Variants in GSG1L observed in about 807,000 individuals in gnomAD.
The protein encoded by GSG1L is GSG1 like.
In GSG1L, 24 loss-of-function variants were observed where a neutral mutation model predicts 42.1. The ratio of observed to expected loss-of-function variants is 0.57; its 90% CI spans 0.41 to 0.80. GSG1L has a LOEUF of 0.80. Among genes scored for constraint, GSG1L ranks in the 30% least tolerant of loss-of-function variants. The pLI is 0.00. For synonymous variants in GSG1L, 215 were observed against 203.5 expected (o/e 1.06, Z -0.48); for missense variants, 445 against 472.2 (o/e 0.94, Z 0.53).
intron 1 of GSG1L, among the ~76,000 whole-genome samples, chr16:27,979,303 C>T (rs1358102013): frequency 5.3e-5 from 8 of 151,974 alleles, no homozygotes; most frequent in Admixed American, 2.6e-4. Context: ...TGATAGCTCA[C>T]GCCTGTAATC....
intron 2 of GSG1L, among the ~76,000 whole-genome samples, chr16:27,959,298 T>TCAAAAAAAAA (rs2085040764): frequency 7.9e-6 from 1 of 126,454 alleles, no homozygotes; most frequent in Non-Finnish European, 1.7e-5. Flanking sequence ...TCTCTACTAA[T>TCAAAAAAAAA]AATACAAAAA....
intron 2 of GSG1L, among the ~76,000 whole-genome samples, chr16:27,887,185 A>G (rs1322518589): frequency 6.6e-6 from 1 of 151,962 alleles, no homozygotes; most frequent in African/African-American, 2.4e-5. Flanking sequence ...CAAACTCCTA[A>G]GCTCAAGTGA....
Position 28,040,182 on chromosome 16 carries a change from C to A in GSG1L, c.349+22894G>T, listed in dbSNP as rs1052555053. ...ATGGACCGCTGCAGTCGCCTCCTAA[C>A]TGGACTCCAGCCATTCACGCCTCCC... On this transcript the variant is annotated intron_variant, in intron 1 of 6. Transcript: ENST00000447459. This position sits in a 1 kb window ranked among gnomAD's most constrained non-coding sequence, Gnocchi z 4.1. Among the ~76,000 whole-genome samples the A allele has an allele frequency of 6.6e-6, 1 of 152,196 alleles. No individual in the cohort carries two copies.
intron 1 of GSG1L, among the ~76,000 whole-genome samples, chr16:27,984,272 C>A (rs866655397): frequency 2.0e-5 from 3 of 152,116 alleles, no homozygotes; most frequent in South Asian, 4.1e-4. Flanking sequence ...TTTGCATAGG[C>A]CTGCTCACTG....
chr16:27,842,211 G>T (rs1644625), intron 4 of GSG1L, among the ~76,000 whole-genome samples: 41,688 of 139,556 alleles, frequency 0.3, 6,795 homozygotes, highest in East Asian at 0.42. Flanking sequence ...GCACGTTGTT[G>T]CGCGTGTTAA....
At chr16:27,816,693 G>A (rs572831069) in intron 5 of GSG1L, among the ~76,000 whole-genome samples, 2 of 152,286 alleles carry the variant, frequency 1.3e-5, no homozygotes, top group East Asian at 3.9e-4. Flanking sequence ...TGTGGAGCTG[G>A]GAGGAGATTT....
chr16:28,041,562 T>C (rs1455430391), intron 1 of GSG1L, among the ~76,000 whole-genome samples: 1 of 152,156 alleles, frequency 6.6e-6, no homozygotes, highest in Admixed American at 6.5e-5. Flanking sequence ...AATGAGTAAA[T>C]GAATGAATAA....
chr16:27,803,796 G>GATATAGATAT (rs879523842), intron 6 of GSG1L, among the ~76,000 whole-genome samples: 1 of 73,822 alleles, frequency 1.4e-5, no homozygotes, highest in African/African-American at 5.4e-5. Context: ...TATATATATA[G>GATATAGATAT]ATAGATAGAT....
intron 1 of GSG1L, among the ~76,000 whole-genome samples, chr16:28,012,122 C>T (rs879309738): frequency 2.6e-5 from 4 of 152,146 alleles, no homozygotes; most frequent in African/African-American, 9.7e-5. Context: ...ATTTCATACT[C>T]CCACGCAGTC....
chr16:27,863,561 A>G (rs2141002241), intron 3 of GSG1L, among the ~76,000 whole-genome samples: 1 of 152,312 alleles, frequency 6.6e-6, no homozygotes, highest in East Asian at 1.9e-4. Context: ...TAACCCAGTT[A>G]CATTTATTGT....
At chr16:28,034,242 CCCATCCCATCCCATCCCAT>C in intron 1 of GSG1L, among the ~76,000 whole-genome samples, 2 of 127,490 alleles carry the variant, frequency 1.6e-5, no homozygotes, top group Non-Finnish European at 3.3e-5. Flanking sequence ...CCCATCCCAT[CCCATCCCATCCCATCCCAT>C]CCCATCCCAT....
chr16:27,838,032 G>C (rs1341191360), intron 4 of GSG1L, among the ~76,000 whole-genome samples: 2 of 152,122 alleles, frequency 1.3e-5, no homozygotes, highest in African/African-American at 4.8e-5. Context: ...TAGGTCCAAG[G>C]ATTGTGGTTG....
chr16:27,819,889 G>A (rs1413903983), intron 5 of GSG1L, among the ~76,000 whole-genome samples: 6 of 152,182 alleles, frequency 3.9e-5, no homozygotes, highest in African/African-American at 1.4e-4. Context: ...CAAAGATCAT[G>A]AAGAAAGTTG....
chr16:27,837,206 C>T (rs543323216), intron 4 of GSG1L, among the ~76,000 whole-genome samples: 7 of 152,184 alleles, frequency 4.6e-5, no homozygotes, highest in South Asian at 4.1e-4. Context: ...GGAGGAGTGC[C>T]GAGTAAAGGT....
At chr16:28,023,626 T>G (rs2085869286) in intron 1 of GSG1L, among the ~76,000 whole-genome samples, 1 of 152,240 alleles carries the variant, frequency 6.6e-6, no homozygotes, top group African/African-American at 2.4e-5. Flanking sequence ...TGTCAAAGTG[T>G]TCCTCTTTCT....
At chr16:28,005,301 CAG>C (rs2085626571) in intron 1 of GSG1L, among the ~76,000 whole-genome samples, 1 of 152,112 alleles carries the variant, frequency 6.6e-6, no homozygotes, top group Non-Finnish European at 1.5e-5. Context: ...TTAGTAGAGA[CAG>C]GGGTTTCACC....
intron 2 of GSG1L, among the ~76,000 whole-genome samples, chr16:27,941,764 A>G (rs1364267533): frequency 6.6e-6 from 1 of 152,154 alleles, no homozygotes; most frequent in Non-Finnish European, 1.5e-5. Flanking sequence ...ATGCGATGGC[A>G]TATTAGCCTT....
chr16:27,931,235 T>C (rs1477526192), intron 2 of GSG1L, among the ~76,000 whole-genome samples: 6 of 152,164 alleles, frequency 3.9e-5, no homozygotes, highest in African/African-American at 7.2e-5. Context: ...GAAGGTTAAA[T>C]AATTAATGCC....
intron 1 of GSG1L, among the ~76,000 whole-genome samples, chr16:28,053,391 G>A (rs534452604): frequency 6.6e-6 from 1 of 152,310 alleles, no homozygotes; most frequent in Admixed American, 6.5e-5. Flanking sequence ...GCAACATGAA[G>A]AGGGGTCAGT....
Sources: allele counts gnomAD v4.1 joint callset (sites outside exome capture counted in the v4.1 genomes callset), GRCh38; gene constraint gnomAD v4.1.1; non-coding constraint Gnocchi (gnomAD v3.1); transcripts MANE v1.5; gene names NCBI Gene and HGNC (gene_info 2026-07-23, HGNC 2026-07-21).